FAM169A: variants seen among roughly 807,000 people sequenced by gnomAD.
The protein encoded by FAM169A is family with sequence similarity 169 member A.
In FAM169A, 24 loss-of-function variants were observed where a neutral mutation model predicts 75.7. The observed-to-expected ratio is 0.32, with a 90% CI of 0.23 to 0.45. FAM169A has a LOEUF of 0.45. Ranked by LOEUF, FAM169A falls within the 20% of genes least tolerant of loss-of-function variation. The probability of loss-of-function intolerance (pLI) is 1.00; values close to 1 mark genes in which losing one functional copy is unlikely to be tolerated. For missense variants in FAM169A, 673 were observed against 784.0 expected, an observed-to-expected ratio of 0.86 and a Z score of 1.69; for synonymous variants, 271 against 271.0, an observed-to-expected ratio of 1.00 and a Z score of 0.00.
chr5:74,840,810 C>T (rs1748824770), intron 2 of FAM169A, among the ~76,000 whole-genome samples: 2 of 146,652 alleles, frequency 1.4e-5, no homozygotes, highest in South Asian at 4.4e-4. Flanking sequence ...ACCTGGGCGA[C>T]AGACCGAGAC....
chr5:74,825,369 G>T (rs1747970531), intron 5 of FAM169A, among the ~76,000 whole-genome samples: 1 of 152,168 alleles, frequency 6.6e-6, no homozygotes, highest in African/African-American at 2.4e-5. Context: ...CTAGTCACAT[G>T]TGGCCATTGA....
At chr5:74,809,227 A>G (rs765895117) in intron 6 of FAM169A, among the ~76,000 whole-genome samples, 18 of 152,238 alleles carry the variant, frequency 1.2e-4, no homozygotes, top group Non-Finnish European at 2.5e-4. Context: ...CACATGGACT[A>G]AAGAAAATGA....
At chr5:74,795,643 G>A (rs1746232260) in intron 11 of FAM169A, among the ~76,000 whole-genome samples, 1 of 152,030 alleles carries the variant, frequency 6.6e-6, no homozygotes, top group South Asian at 2.1e-4. Flanking sequence ...CTAAAATGGG[G>A]GTGCCCCTGA....
At chr5:74,784,863 G>A (rs1305009510) in intron 11 of FAM169A, among the ~76,000 whole-genome samples, 1 of 141,156 alleles carries the variant, frequency 7.1e-6, no homozygotes. Flanking sequence ...AGTTTGCAGT[G>A]AGCCAAGATC....
intron 5 of FAM169A, among the ~76,000 whole-genome samples, chr5:74,825,782 T>C (rs1747991890): frequency 6.6e-6 from 1 of 152,174 alleles, no homozygotes; most frequent in Non-Finnish European, 1.5e-5. Context: ...ACGTTTTGAT[T>C]CTTGATCTTT....
intron 12 of FAM169A, 64 bp from the exon 13 acceptor site, chr5:74,782,072 G>C (rs749135543): frequency 5.2e-5 from 64 of 1,234,684 alleles, no homozygotes; most frequent in Non-Finnish European, 6.9e-5. Flanking sequence ...AAATTCTCAG[G>C]CTCTAATATG....
intron 5 of FAM169A, among the ~76,000 whole-genome samples, chr5:74,833,696 A>C (rs1489669147): frequency 6.6e-6 from 1 of 152,174 alleles, no homozygotes; most frequent in African/African-American, 2.4e-5. Flanking sequence ...TCTCTGTGAA[A>C]GGTCTTTTGG....
rs917551171 is a variant in FAM169A at position 74,778,999 on chromosome 5, GAGTT to G, written c.*2457_*2460del. 4 of 152,130 alleles carry G rather than the reference GAGTT, an allele frequency of 2.6e-5. No individual in the cohort carries two copies. The highest frequency in any genetic ancestry group is 1.3e-4 in the Admixed American group (2 of 15,280). The allele number at this position is 152,130 out of a possible 1,614,324, so 9.4% of individuals were successfully genotyped here. On this transcript the variant is annotated 3_prime_UTR_variant, in exon 13 of 13. Transcript: ENST00000687041. ...TCTATACTCAAGTTACTGAACATGA[GAGTT>G]AGGTTTTTCCAAGTGATCTAACTTT...
intron 11 of FAM169A, among the ~76,000 whole-genome samples, chr5:74,785,775 A>ATG (rs1175531135): frequency 2.0e-5 from 3 of 152,226 alleles, no homozygotes; most frequent in African/African-American, 7.2e-5. Context: ...ACACACACGT[A>ATG]TGTATATATA....
intron 1 of FAM169A, among the ~76,000 whole-genome samples, chr5:74,844,185 A>AGTGGCTC (rs1749028644): frequency 6.6e-6 from 1 of 152,216 alleles, no homozygotes; most frequent in African/African-American, 2.4e-5. Context: ...GGCCGGGCAC[A>AGTGGCTC]GTGGCTCATG....
intron 6 of FAM169A, among the ~76,000 whole-genome samples, chr5:74,809,313 G>A (rs113526895): frequency 1.4e-4 from 21 of 152,164 alleles, no homozygotes; most frequent in African/African-American, 4.1e-4. Context: ...CTCATAACTC[G>A]GCCAGGTGTG....
intron 4 of FAM169A, among the ~76,000 whole-genome samples, chr5:74,836,958 AG>A (rs1328926178): frequency 2.0e-5 from 3 of 146,872 alleles, no homozygotes; most frequent in African/African-American, 7.7e-5. Flanking sequence ...AAAAAAAAAA[AG>A]AGAGGGAATG....
chr5:74,818,799 CTCTCTATATA>C (rs1175906386), intron 5 of FAM169A, among the ~76,000 whole-genome samples: 21 of 125,976 alleles, frequency 1.7e-4, no homozygotes, highest in African/African-American at 5.8e-4. Flanking sequence ...CTCTCTCTCT[CTCTCTATATA>C]TATATATATA....
intron 5 of FAM169A, among the ~76,000 whole-genome samples, chr5:74,821,561 G>A (rs555324473): frequency 1.8e-4 from 28 of 152,258 alleles, no homozygotes; most frequent in Admixed American, 1.2e-3. Flanking sequence ...TCAGATGAGC[G>A]AACCTGTCAT....
intron 5 of FAM169A, among the ~76,000 whole-genome samples, chr5:74,818,801 C>A (rs866211988): frequency 0.087 from 10,478 of 121,064 alleles, 417 homozygotes; most frequent in African/African-American, 0.12. Flanking sequence ...CTCTCTCTCT[C>A]TCTATATATA....
upstream of FAM169A, chr5:74,866,463 G>T: frequency 1.5e-5 from 13 of 841,536 alleles, no homozygotes; most frequent in Non-Finnish European, 1.9e-5. Flanking sequence ...CGCCAGCGCG[G>T]AGCGGCCCCT....
chr5:74,810,442 T>TGTACG (rs1747116016), intron 6 of FAM169A, among the ~76,000 whole-genome samples: 1 of 151,902 alleles, frequency 6.6e-6, no homozygotes, highest in Non-Finnish European at 1.5e-5. Flanking sequence ...TACACTTTTG[T>TGTACG]GTACGGTACA....
chr5:74,794,951 C>T (rs1746191551), intron 11 of FAM169A, among the ~76,000 whole-genome samples: 2 of 151,698 alleles, frequency 1.3e-5, no homozygotes, highest in Admixed American at 1.3e-4. Context: ...GGAGCTAAAT[C>T]AGAGTAACTT....
At chr5:74,783,164 A>C in intron 11 of FAM169A, 30 bp from the exon 12 acceptor site, 1 of 1,521,838 alleles carries the variant, frequency 6.6e-7, no homozygotes, top group Non-Finnish European at 9.0e-7. Context: ...GGAAAAAGTA[A>C]GGACATGATT....
Sources: gnomAD v4.1 joint callset for allele counts (sites outside exome capture counted in the v4.1 genomes callset) on GRCh38, gnomAD v4.1.1 for gene constraint, MANE v1.5 for transcripts, NCBI Gene and HGNC (gene_info 2026-07-23, HGNC 2026-07-21) for gene names.